Variants in EMC2 observed in about 807,000 individuals in gnomAD.
EMC2 encodes the protein ER membrane protein complex subunit 2.
In EMC2, 37 loss-of-function variants were observed where a neutral mutation model predicts 51.6. The observed-to-expected ratio is 0.72, with a 90% confidence interval of 0.55 to 0.94. EMC2 has a LOEUF of 0.94. Ranked by LOEUF, EMC2 falls within the 40% of genes least tolerant of loss-of-function variation. The pLI is 0.00. For missense variants in EMC2, 359 were observed against 350.9 expected (o/e 1.02, Z -0.18); for synonymous variants, 131 against 112.4 (o/e 1.17, Z -1.04).
chr8:108,469,481 C>T (rs1810808013), intron 5 of EMC2, among the ~76,000 whole-genome samples: 1 of 152,112 alleles, frequency 6.6e-6, no homozygotes. Context: ...TCCTCCCCCT[C>T]TTAGGATACA....
At chr8:108,445,555 C>T (rs1818858358) in intron 1 of EMC2, among the ~76,000 whole-genome samples, 1 of 151,996 alleles carries the variant, frequency 6.6e-6, no homozygotes, top group Non-Finnish European at 1.5e-5. Flanking sequence ...CCTTACTTGA[C>T]CACTCTACTA....
intron 5 of EMC2, among the ~76,000 whole-genome samples, chr8:108,468,252 G>A (rs1810773138): frequency 6.6e-6 from 1 of 152,120 alleles, no homozygotes; most frequent in Admixed American, 6.5e-5. Context: ...AATGGCTTTA[G>A]GGTTTGAGTT....
At chr8:108,474,664 T>C (rs1308082340) in intron 7 of EMC2, 1 of 151,858 alleles carries the variant, frequency 6.6e-6, no homozygotes, top group South Asian at 2.1e-4. Flanking sequence ...CTCAGTCCCT[T>C]TGGGTGTGAC....
chr8:108,488,638 T>G lies in EMC2; in HGVS notation c.*2040T>G, dbSNP rs751254868. ...TTTCTTCTTTAGCAGTACCTTAGTT[T>G]GATCTGATAGTGGCAAGGATCCCTC... On this transcript the variant is annotated 3_prime_UTR_variant, in exon 11 of 11. Coordinates refer to ENST00000220853, the MANE Select transcript of EMC2 (RefSeq NM_014673.5). 6.6e-6 allele frequency among the ~76,000 whole-genome samples: 1 copy of G among 152,192 alleles called. No individual in the cohort carries two copies. The highest frequency in any genetic ancestry group is 1.5e-5 in the Non-Finnish European group (1 of 68,032).
rs1811195645 is a variant in EMC2, at chr8:108,489,143, C to CAA, written c.*2547_*2548dup. Among the ~76,000 whole-genome samples the CAA allele has an allele frequency of 6.6e-6, 1 of 152,116 alleles. No homozygotes were observed. Among genetic ancestry groups the CAA allele is most frequent in the Admixed American group, 6.6e-5 (1 of 15,254 alleles). On this transcript the variant is annotated 3_prime_UTR_variant, in exon 11 of 11. Transcript: ENST00000220853. ...CACCCAAATCAAGATGAGCAATTGC[C>CAA]AAACTCCCCAATTATTAAATGAGAA...
intron 5 of EMC2, among the ~76,000 whole-genome samples, chr8:108,463,191 A>T (rs148661951): frequency 7.9e-5 from 12 of 152,316 alleles, no homozygotes; most frequent in African/African-American, 2.2e-4. Flanking sequence ...AATTTTGATT[A>T]GGTAAATATC....
chr8:108,444,384 T>C (rs1023947942), intron 1 of EMC2, among the ~76,000 whole-genome samples: 6 of 152,192 alleles, frequency 3.9e-5, no homozygotes, highest in Admixed American at 3.9e-4. Flanking sequence ...CTTTTCCCTA[T>C]CCTTAGTTGA....
intron 5 of EMC2, among the ~76,000 whole-genome samples, chr8:108,463,569 C>A (rs1819385835): frequency 6.6e-6 from 1 of 152,150 alleles, no homozygotes; most frequent in Non-Finnish European, 1.5e-5. Flanking sequence ...TAGTTGATTT[C>A]ATACTTCAGA....
chr8:108,453,297 A>G, intron 4 of EMC2, 150 bp downstream of exon 4: 1 of 453,694 alleles, frequency 2.2e-6, no homozygotes, highest in Admixed American at 4.2e-5. Context: ...TGAGGTTGAA[A>G]ACCTTGTCAT....
At position 108,487,629 on chromosome 8, in the gene EMC2, ATATATT is replaced by A. The variant is rs1395151145; in HGVS notation, c.*1034_*1039del. ...TATTTATGGTATTTGTTTATAATAAATATATTTAAATTTATTTTTACTAAAAATATA... is the reference window on the plus strand; with the variant it reads ...TATTTATGGTATTTGTTTATAATAAATAAATTTATTTTTACTAAAAATATA... On this transcript the variant is annotated 3_prime_UTR_variant, in exon 11 of 11. Transcript: ENST00000220853. Among the ~76,000 whole-genome samples, 1 of 151,918 alleles carries A rather than the reference ATATATT, an allele frequency of 6.6e-6. No individual in the cohort carries two copies. The highest frequency in any genetic ancestry group is 1.5e-5 in the Non-Finnish European group (1 of 67,934).
Position 108,449,469 on chromosome 8 carries a change from C to T in EMC2, c.41-354C>T, listed in dbSNP as rs569746705. Among the ~76,000 whole-genome samples the T allele has an allele frequency of 1.4e-3, 208 of 152,236 alleles. 1 individual carries two copies. Among genetic ancestry groups the T allele is most frequent in the South Asian group, 9.1e-3 (44 of 4,828 alleles). On this transcript the variant is annotated intron_variant, in intron 1 of 10. Coordinates refer to ENST00000220853, the MANE Select transcript of EMC2 (RefSeq NM_014673.5). ...TGTATATTTAGTAGAGACAAGGTTT[C>T]GCCACGTTGGCCAGGCTGGTCTTGA... is the stretch of plus-strand genomic sequence containing the variant.
intron 1 of EMC2, among the ~76,000 whole-genome samples, chr8:108,448,539 C>G (rs754306164): frequency 6.6e-6 from 1 of 152,150 alleles, no homozygotes; most frequent in Non-Finnish European, 1.5e-5. Flanking sequence ...ACAGGAGTTT[C>G]TCTACACAAG....
chr8:108,462,113 G>A (rs190834335), intron 5 of EMC2, among the ~76,000 whole-genome samples: 2 of 152,198 alleles, frequency 1.3e-5, no homozygotes, highest in African/African-American at 4.8e-5. Context: ...GGCCAGGCAA[G>A]CACTGTTAAT....
At chr8:108,482,258 G>C (rs886811513) in intron 10 of EMC2, among the ~76,000 whole-genome samples, 2 of 152,074 alleles carry the variant, frequency 1.3e-5, no homozygotes, top group Non-Finnish European at 2.9e-5. Flanking sequence ...TTGCCATTTG[G>C]ATGTCCTCTT....
Position 108,443,629 on chromosome 8 carries a change from C to G in EMC2, c.-30C>G, listed in dbSNP as rs768201876. On this transcript the variant is annotated 5_prime_UTR_variant, in exon 1 of 11. Transcript: ENST00000220853. ...TCACGTGACTGCGTCTCCCCGCCCT[C>G]TCACCCCGCTGCCTCTAGGTTCTGG... 2 of 1,599,138 alleles carry G rather than the reference C, an allele frequency of 1.3e-6. No homozygotes were observed. The highest frequency in any genetic ancestry group is 1.7e-6 in the Non-Finnish European group (2 of 1,172,630).
At chr8:108,463,971 T>G (rs1819400538) in intron 5 of EMC2, 1 of 152,520 alleles carries the variant, frequency 6.6e-6, no homozygotes, top group South Asian at 2.1e-4. Flanking sequence ...AACACCAGTG[T>G]CACTCACATT....
intron 1 of EMC2, among the ~76,000 whole-genome samples, chr8:108,445,276 A>G: frequency 6.6e-6 from 1 of 152,228 alleles, no homozygotes; most frequent in East Asian, 1.9e-4. Flanking sequence ...ATGTGTTACT[A>G]TTAGCTAGTG....
Position 108,463,374 on chromosome 8 carries a change from G to A in EMC2, c.364-6452G>A, listed in dbSNP as rs1819378858. On this transcript the variant is annotated intron_variant, in intron 5 of 10. Transcript: ENST00000220853. ...AGCCTTTATTTTTTATGTTACTCAAGTACCAGTTTTGGCACTTTTTTTTTC... is the reference window on the plus strand; with the variant it reads ...AGCCTTTATTTTTTATGTTACTCAAATACCAGTTTTGGCACTTTTTTTTTC... 5.3e-5 allele frequency among the ~76,000 whole-genome samples: 8 copies of A among 152,010 alleles called. No individual in the cohort carries two copies. The South Asian group carries it at 1.5e-3, about 28-fold the overall frequency.
chr8:108,445,970 C>A (rs899064155), intron 1 of EMC2, among the ~76,000 whole-genome samples: 1 of 152,118 alleles, frequency 6.6e-6, no homozygotes, highest in Admixed American at 6.5e-5. Context: ...TTTAGAGAAG[C>A]CTTCTCTGAC....
Sources: gnomAD v4.1 joint callset for allele counts (sites outside exome capture counted in the v4.1 genomes callset) on GRCh38, gnomAD v4.1.1 for gene constraint, MANE v1.5 for transcripts, NCBI Gene and HGNC (gene_info 2026-07-23, HGNC 2026-07-21) for gene names.